SPEG: variants seen among roughly 807,000 people sequenced by gnomAD.
The protein encoded by SPEG is striated muscle preferentially expressed protein kinase.
A neutral mutation model predicts 300.4 loss-of-function variants in SPEG; 114 were observed. That is an observed-to-expected ratio of 0.38 (90% CI 0.33 to 0.44). The LOEUF (loss-of-function observed/expected upper bound fraction) is 0.44, where lower values mean the gene tolerates loss of function less well. Ranked by LOEUF, SPEG falls within the 20% of genes least tolerant of loss-of-function variation. SPEG has a pLI of 1.00. For missense variants in SPEG, 4,201 were observed against 4,586.2 expected, an observed-to-expected ratio of 0.92 and a Z score of 2.43; for synonymous variants, 1,964 against 2,018.9, an observed-to-expected ratio of 0.97 and a Z score of 0.73.
intron 3 of SPEG, 42 bp from the exon 4 acceptor site, chr2:219,447,932 G>A (rs1476597801): frequency 6.3e-7 from 1 of 1,579,846 alleles, no homozygotes; most frequent in Non-Finnish European, 8.7e-7. Context: ...TAGGAGAGGA[G>A]GCCCCCTGAA....
At position 219,479,863 on chromosome 2, in the gene SPEG, G is replaced by A; in HGVS notation, c.5163+3G>A. On this transcript the variant is annotated splice_donor_region_variant and intron_variant, in intron 24 of 40. Transcript: ENST00000312358. This position sits in a 1 kb window ranked among gnomAD's most constrained non-coding sequence, Gnocchi z 5.5. ...ACGTGCTGCACCTCGATGTCAAGGT[G>A]AGGTGGGGACTGGAGAGCAGACAGC... 6.2e-7 allele frequency: 1 copy of A among 1,614,128 alleles called. No individual in the cohort carries two copies. The highest frequency in any genetic ancestry group is 8.5e-7 in the Non-Finnish European group (1 of 1,180,006).
rs1399740464 is a variant in SPEG at position 219,448,273 on chromosome 2, G to A, written c.1115G>A (p.Arg372Gln). The change falls in exon 4 of 41, where the codon CGA (arginine) becomes CAA (glutamine). Residue 372 changes from arginine to glutamine, a missense_variant. Transcript: ENST00000312358. Reference protein sequence around the residue: ...GPSLAGTAESRPQTPLSEASG... With the variant: ...GPSLAGTAESQPQTPLSEASG... ...TCCCTGGCGGGCACCGCGGAATCCC[G>A]ACCCCAGACGCCACTGAGCGAGGCC... 23 of 1,611,604 alleles carry A rather than the reference G, an allele frequency of 1.4e-5. No homozygotes were observed. The highest frequency in any genetic ancestry group is 1.2e-4 in the African/African-American group (9 of 74,852).
At chr2:219,442,159 G>T in intron 1 of SPEG, 1 of 961,816 alleles carries the variant, frequency 1.0e-6, no homozygotes, top group Non-Finnish European at 1.3e-6. Context: ...GCGGGTCACC[G>T]CAGCTGGGCC....
chr2:219,452,321 A>G (rs183240849), intron 6 of SPEG, among the ~76,000 whole-genome samples: 1 of 152,230 alleles, frequency 6.6e-6, no homozygotes, highest in African/African-American at 2.4e-5. Context: ...AGCCAAGAGC[A>G]CTTCTTGGGC....
intron 6 of SPEG, among the ~76,000 whole-genome samples, chr2:219,460,064 G>A (rs1690522799): frequency 1.3e-5 from 2 of 152,236 alleles, no homozygotes; most frequent in Admixed American, 6.5e-5. Flanking sequence ...GGGGCCATTT[G>A]GGGGAGGCAG....
chr2:219,492,543 C>T (rs777645327), intron 40 of SPEG, 51 bp from the exon 41 acceptor site: 1 of 1,571,560 alleles, frequency 6.4e-7, no homozygotes, highest in Non-Finnish European at 8.7e-7. Context: ...AGAGCCCCGG[C>T]AGCTCCCAGA....
rs1358242379 is a variant in SPEG at position 219,479,547 on chromosome 2, T to C, written c.5086-236T>C. On this transcript the variant is annotated intron_variant, in intron 23 of 40. Coordinates refer to ENST00000312358, the MANE Select transcript of SPEG (RefSeq NM_005876.5). This position sits in a 1 kb window ranked among gnomAD's most constrained non-coding sequence, Gnocchi z 5.5. The stretch of plus-strand genomic sequence containing the variant: ...CAGTCCTGCCACGTCAGGCTGTACA[T>C]GTTGTGCACTGCACAATTCTACTTA... 1.3e-5 allele frequency among the ~76,000 whole-genome samples: 2 copies of C among 152,194 alleles called. No homozygotes were observed. Among genetic ancestry groups the C allele is most frequent in the Non-Finnish European group, 2.9e-5 (2 of 68,042 alleles).
rs1030688649 is a variant in SPEG, at chr2:219,492,595, A to G, written c.9613A>G (p.Ser3205Gly). The change falls in exon 41 of 41, where the codon AGC (serine) becomes GGC (glycine). Residue 3205 changes from serine (S) to glycine (G), a missense_variant and splice_region_variant. This residue lies in a region of SPEG where 318 missense variants were observed against 429.5 expected (regional missense o/e 0.74). Transcript: ENST00000312358. ...ATCATCCCTGGCTCTGCCTGGCAGG[A>G]GCCGGCCCTCCCTGCAGGACTGCCT... ...LRKVLSVHPW[S>G]RPSLQDCLAH... The G allele has an allele frequency of 6.2e-7, 1 of 1,608,056 alleles. No individual in the cohort carries two copies. Among genetic ancestry groups the G allele is most frequent in the Non-Finnish European group, 8.5e-7 (1 of 1,179,948 alleles).
At chr2:219,452,516 G>T (rs148045240) in intron 6 of SPEG, among the ~76,000 whole-genome samples, 1 of 152,080 alleles carries the variant, frequency 6.6e-6, no homozygotes, top group South Asian at 2.1e-4. Context: ...CCTGGGGTTC[G>T]GGGAGGTGAG....
chr2:219,491,819 C>T lies in SPEG; in HGVS notation c.9411C>T (p.Pro3137=), dbSNP rs1275507808. ...CTCCGGAGATGGTGAAGGGAGAACC[C>T]ATCGGCTCTGCCACGGACATCTGGG... ...FMAPEMVKGE[P]IGSATDIWGA... is the part of the protein sequence containing the mutation. Residue 3137 remains proline (P), a synonymous_variant, in exon 39 of 41, where the codon CCC becomes CCT. Transcript: ENST00000312358. 6.2e-7 allele frequency: 1 copy of T among 1,613,012 alleles called. No homozygotes were observed. The highest frequency in any genetic ancestry group is 1.3e-5 in the African/African-American group (1 of 74,882).
chr2:219,443,908 C>A lies in SPEG; in HGVS notation c.389-745C>A. ...TCCCTCCCCACCCATTGCCACAGGACACCTCTGGGGACTGGGTGCCTCACG... is the reference window on the plus strand; with the variant it reads ...TCCCTCCCCACCCATTGCCACAGGAAACCTCTGGGGACTGGGTGCCTCACG... On this transcript the variant is annotated intron_variant, in intron 1 of 40. Coordinates refer to ENST00000312358, the MANE Select transcript of SPEG (RefSeq NM_005876.5). This position sits in a 1 kb window ranked among gnomAD's most constrained non-coding sequence, Gnocchi z 4.6. 2 of 734,540 alleles carry A rather than the reference C, an allele frequency of 2.7e-6. No homozygotes were observed. The highest frequency in any genetic ancestry group is 4.3e-6 in the Non-Finnish European group (2 of 469,436). The allele number at this position is 734,540 out of a possible 1,614,324, so 45.5% of individuals were successfully genotyped here.
Position 219,451,310 on chromosome 2 carries a change from C to G in SPEG, c.2257+31C>G. 6.3e-7 allele frequency: 1 copy of G among 1,579,104 alleles called. No individual in the cohort carries two copies. The highest frequency in any genetic ancestry group is 8.6e-7 in the Non-Finnish European group (1 of 1,164,514). Reference sequence around the variant, plus strand: ...CTCCAGCACTGGGCCAAGGTGCGGTCGAGGTTGGGAGGGGGTGTGTGAGAA... The same window carrying G: ...CTCCAGCACTGGGCCAAGGTGCGGTGGAGGTTGGGAGGGGGTGTGTGAGAA... On this transcript the variant is annotated intron_variant, in intron 5 of 40. Coordinates refer to ENST00000312358, the MANE Select transcript of SPEG (RefSeq NM_005876.5). The surrounding 1 kb of genome is among the most constrained non-coding windows in gnomAD (Gnocchi z 6.4).
rs199908320 is a variant in SPEG at position 219,468,948 on chromosome 2, G to C, written c.3391G>C (p.Glu1131Gln). The change falls in exon 12 of 41, where the codon GAG (glutamate) becomes CAG (glutamine). Residue 1131 changes from glutamate (E) to glutamine (Q), a missense_variant. Transcript: ENST00000312358. ...LHIAHVGSEDEGLYAVSAVNT... is the reference protein window; with the variant it reads ...LHIAHVGSEDQGLYAVSAVNT... Reference sequence around the variant, plus strand: ...CATTGCCCATGTGGGCAGCGAGGACGAGGGGCTCTATGCGGTCAGTGCTGT... The same window carrying C: ...CATTGCCCATGTGGGCAGCGAGGACCAGGGGCTCTATGCGGTCAGTGCTGT... 1.2e-6 allele frequency: 2 copies of C among 1,613,998 alleles called. No homozygotes were observed. The highest frequency in any genetic ancestry group is 2.2e-5 in the East Asian group (1 of 44,876).
In SPEG at chr2:219,489,244, G is replaced by A. The variant is rs765661383; in HGVS notation, c.8317+23G>A. 2.5e-6 allele frequency: 4 copies of A among 1,613,446 alleles called. No homozygotes were observed. In the African/African-American group the frequency reaches 4.0e-5, roughly 16 times the overall value. On this transcript the variant is annotated intron_variant, in intron 35 of 40. Transcript: ENST00000312358. ...AAGGTCAGTGCAATGGTATGGGGTGGGAGGAGGAAGGGGGCTCTGAGCCTA... is the reference window on the plus strand; with the variant it reads ...AAGGTCAGTGCAATGGTATGGGGTGAGAGGAGGAAGGGGGCTCTGAGCCTA...
At position 219,473,830 on chromosome 2, in the gene SPEG, C is replaced by G; in HGVS notation, c.4374C>G (p.Asp1458Glu). The G allele has an allele frequency of 6.2e-7, 1 of 1,613,826 alleles. No homozygotes were observed. The highest frequency in any genetic ancestry group is 8.5e-7 in the Non-Finnish European group (1 of 1,180,016). ...CLRICRVSRR[D>E]MGALTCTARN... Reference sequence around the variant, plus strand: ...GGATCTGCCGGGTGAGCCGCCGGGACATGGGGGCCCTCACCTGCACCGCCC... The same window carrying G: ...GGATCTGCCGGGTGAGCCGCCGGGAGATGGGGGCCCTCACCTGCACCGCCC... The change falls in exon 18 of 41, where the codon GAC becomes GAG. Residue 1458 changes from aspartate (D) to glutamate (E), a missense_variant. Around this residue, in one of 4 missense-constraint regions of SPEG, gnomAD observed 1,047 missense variants for 1,356.8 expected, o/e 0.77. Coordinates refer to ENST00000312358, the MANE Select transcript of SPEG (RefSeq NM_005876.5). This position sits in a 1 kb window ranked among gnomAD's most constrained non-coding sequence, Gnocchi z 4.6.
intron 1 of SPEG, among the ~76,000 whole-genome samples, chr2:219,438,961 G>A (rs1278111794): frequency 6.6e-6 from 1 of 152,218 alleles, no homozygotes; most frequent in Non-Finnish European, 1.5e-5. Context: ...TCTGGCTAGA[G>A]AAGCCAGGTG....
Position 219,479,234 on chromosome 2 carries a change from G to T in SPEG, c.5085+33G>T. ...CAGTGGGTGGCAGGGGCCAGGTTGG[G>T]CACCAGCCTTCACCCACCTGAGCTT... On this transcript the variant is annotated intron_variant, in intron 23 of 40. Coordinates refer to ENST00000312358, the MANE Select transcript of SPEG (RefSeq NM_005876.5). This position sits in a 1 kb window ranked among gnomAD's most constrained non-coding sequence, Gnocchi z 5.5. 6.3e-7 allele frequency: 1 copy of T among 1,595,616 alleles called. No individual in the cohort carries two copies. Among genetic ancestry groups the T allele is most frequent in the Non-Finnish European group, 8.6e-7 (1 of 1,164,980 alleles).
intron 36 of SPEG, 111 bp from the exon 37 acceptor site, chr2:219,490,298 A>G (rs527899025): frequency 1.4e-6 from 2 of 1,429,898 alleles, no homozygotes; most frequent in African/African-American, 1.4e-5. Flanking sequence ...CCACACTGGA[A>G]CCACTGCATT....
rs763069940 is a variant in SPEG at position 219,472,331 on chromosome 2, G to A, written c.3940G>A (p.Asp1314Asn). The change falls in exon 15 of 41, where the codon GAC (aspartate) becomes AAC (asparagine). Residue 1314 changes from aspartate (D) to asparagine (N), a missense_variant and splice_region_variant. Physicochemically the swap from Asp to Asn is conservative, Grantham distance 23. Coordinates refer to ENST00000312358, the MANE Select transcript of SPEG (RefSeq NM_005876.5). ...NPPRSLDMAI[D>N]PDSLTYTVQH... The stretch of plus-strand genomic sequence containing the variant: ...CCCCAGGAGTCTGGACATGGCCATC[G>A]GTGGGTCAGGGCTGCACAGGGCCAT... The A allele has an allele frequency of 1.2e-6, 2 of 1,612,854 alleles. No individual in the cohort carries two copies. Among genetic ancestry groups the A allele is most frequent in the Non-Finnish European group, 1.7e-6 (2 of 1,179,324 alleles).
Sources: gnomAD v4.1 joint callset for allele counts (sites outside exome capture counted in the v4.1 genomes callset) on GRCh38, gnomAD v4.1.1 for gene constraint, gnomAD v4.1.1 regional missense constraint, Gnocchi (gnomAD v3.1) non-coding constraint, MANE v1.5 for transcripts, NCBI Gene and HGNC (gene_info 2026-07-23, HGNC 2026-07-21) for gene names.